DNAAF3: variants seen among roughly 807,000 people sequenced by gnomAD.
DNAAF3 encodes dynein axonemal assembly factor 3.
A neutral mutation model predicts 50.9 loss-of-function variants in DNAAF3; 40 were observed. The ratio of observed to expected loss-of-function variants is 0.79; its 90% CI spans 0.61 to 1.02. DNAAF3 has a LOEUF of 1.02. Among genes scored for constraint, DNAAF3 ranks in the 50% least tolerant of loss-of-function variants. The pLI is 0.00. For synonymous variants in DNAAF3, 327 were observed against 322.8 expected, an observed-to-expected ratio of 1.01 and a Z score of -0.14; for missense variants, 763 against 744.7, an observed-to-expected ratio of 1.02 and a Z score of -0.29.
rs1448814586 is a variant in DNAAF3 at position 55,160,811 on chromosome 19, C to T, written c.913-36G>A. 2 of 1,594,544 alleles carry T rather than the reference C, an allele frequency of 1.3e-6. No individual in the cohort carries two copies. The highest frequency in any genetic ancestry group is 1.1e-5 in the South Asian group (1 of 90,692). ...AAGGGGCGTGGCCAGACGTCGGGGC[C>T]AGGATGGCGGGGCGGGGCTTAGAAC... On this transcript the variant is annotated intron_variant, in intron 8 of 11. Coordinates refer to ENST00000524407, the MANE Select transcript of DNAAF3 (RefSeq NM_001256715.2). The surrounding 1 kb of genome is among the most constrained non-coding windows in gnomAD (Gnocchi z 4.7).
rs1253844090 is a variant in DNAAF3, at chr19:55,160,998, G to A, written c.912+67C>T. The stretch of plus-strand genomic sequence containing the variant: ...GCTGGGGGCGGGGCCTGCTGTGGGG[G>A]CGGGGCCTTGCGCACCCACCGACCC... On this transcript the variant is annotated intron_variant, in intron 8 of 11. Transcript: ENST00000524407. The surrounding 1 kb of genome is among the most constrained non-coding windows in gnomAD (Gnocchi z 4.7). 6.7e-7 allele frequency: 1 copy of A among 1,484,740 alleles called. No individual in the cohort carries two copies. The highest frequency in any genetic ancestry group is 1.4e-5 in the African/African-American group (1 of 71,150). The allele number at this position is 1,484,740 out of a possible 1,614,324, so 92.0% of individuals were successfully genotyped here.
rs780436178 is a variant in DNAAF3 at position 55,160,741 on chromosome 19, T to C, written c.947A>G (p.Glu316Gly). ...CCAGGCGGCCACGTCGCGGAGCAGC[T>C]CCGTCACGTTGTGTTGAGTGATCTC... ...AGEITQHNVTELLRDVAAWGR... is the reference protein window; with the variant it reads ...AGEITQHNVTGLLRDVAAWGR... Residue 316 changes from glutamate (E) to glycine (G), a missense_variant, in exon 9 of 12, where the codon GAG becomes GGG. Physicochemically the swap from Glu to Gly is moderately conservative, Grantham distance 98. Transcript: ENST00000524407. This position sits in a 1 kb window ranked among gnomAD's most constrained non-coding sequence, Gnocchi z 4.7. 6 of 1,612,428 alleles carry C rather than the reference T, an allele frequency of 3.7e-6. No homozygotes were observed. Among genetic ancestry groups the C allele is most frequent in the East Asian group, 2.2e-5 (1 of 44,836 alleles).
rs1363249954 is a variant in DNAAF3, at chr19:55,161,295, A to G, written c.787T>C (p.Tyr263His). 6.2e-7 allele frequency: 1 copy of G among 1,609,856 alleles called. No individual in the cohort carries two copies. Among genetic ancestry groups the G allele is most frequent in the East Asian group, 2.2e-5 (1 of 44,778 alleles). ...CAGGACAGGCAGTGGACACGCACGT[A>G]GCTCAGGAGGCGACCGGACGCCAGG... Reference protein sequence around the residue: ...RTLASGRLLSYRGERVAARGY... With the variant: ...RTLASGRLLSHRGERVAARGY... Residue 263 changes from tyrosine to histidine, a missense_variant and splice_region_variant, in exon 7 of 12, where the codon TAC becomes CAC. Coordinates refer to ENST00000524407, the MANE Select transcript of DNAAF3 (RefSeq NM_001256715.2). This position sits in a 1 kb window ranked among gnomAD's most constrained non-coding sequence, Gnocchi z 6.4.
intron 5 of DNAAF3, 111 bp downstream of exon 5, chr19:55,162,022 G>A: frequency 1.5e-6 from 2 of 1,343,064 alleles, no homozygotes. Flanking sequence ...GGGGAACTGG[G>A]ATTCGAACCC....
Position 55,161,757 on chromosome 19 carries a change from C to G in DNAAF3, c.549G>C (p.Ala183=), listed in dbSNP as rs1251471939. Residue 183 remains alanine (A), a synonymous_variant, in exon 6 of 12, where the codon GCG becomes GCC. Coordinates refer to ENST00000524407, the MANE Select transcript of DNAAF3 (RefSeq NM_001256715.2). The surrounding 1 kb of genome is among the most constrained non-coding windows in gnomAD (Gnocchi z 6.4). ...AGTCCCAGAGGCGGCTCATGGGGAA[C>G]GCCTGGGGCCCTTTCTCGCCGCCAG... The part of the protein sequence containing the change: ...FWAGGEKGPQ[A]FPMSRLWDSR... 6.6e-7 allele frequency: 1 copy of G among 1,521,422 alleles called. No individual in the cohort carries two copies. 94.2% of individuals were successfully genotyped at this position (1,521,422 alleles called of 1,614,324 possible).
chr19:55,165,728 C>T, intron 3 of DNAAF3, 130 bp downstream of exon 3: 1 of 1,480,220 alleles, frequency 6.8e-7, no homozygotes, highest in Non-Finnish European at 9.1e-7. Flanking sequence ...TCGGTTCGCT[C>T]CCAGCTTCTG....
chr19:55,162,709 G>A, intron 4 of DNAAF3: 2 of 976,448 alleles, frequency 2.0e-6, no homozygotes, highest in Non-Finnish European at 2.4e-6. Context: ...AATACAAATT[G>A]TAAAATATGG....
intron 3 of DNAAF3, 26 bp from the exon 4 acceptor site, chr19:55,165,489 A>T (rs1205511280): frequency 6.2e-7 from 1 of 1,611,646 alleles, no homozygotes; most frequent in Non-Finnish European, 8.5e-7. Context: ...GGGCAGAATA[A>T]TTCTGAGACC....
chr19:55,164,247 A>T lies in DNAAF3; in HGVS notation c.322+1123T>A, dbSNP rs992670364. On this transcript the variant is annotated intron_variant, in intron 4 of 11. Transcript: ENST00000524407. ...TGTAAACCTAGCACTTTGGCAGGCC[A>T]AGGCGGGCGGATCACCTGAGGTCAG... is the stretch of plus-strand genomic sequence containing the variant. Among the ~76,000 whole-genome samples the T allele has an allele frequency of 4.6e-5, 7 of 152,116 alleles. No individual in the cohort carries two copies. In the East Asian group the frequency reaches 1.4e-3, roughly 29 times the overall value.
chr19:55,159,326 G>A lies in DNAAF3; in HGVS notation c.1362C>T (p.Phe454=), dbSNP rs777366628. Residue 454 remains phenylalanine, a synonymous_variant, in exon 12 of 12, where the codon TTC becomes TTT. Transcript: ENST00000524407. The stretch of plus-strand genomic sequence containing the variant: ...CCAGAGCTGATTCCTGGGACTTGCA[G>A]AAACGTGCGAAGGTCTCTGAAGGCC... ...GARPSETFAR[F]CKSQESALGN... 6.2e-7 allele frequency: 1 copy of A among 1,614,164 alleles called. No individual in the cohort carries two copies. The highest frequency in any genetic ancestry group is 1.1e-5 in the South Asian group (1 of 91,088).
rs1252905009 is a variant in DNAAF3 at position 55,160,666 on chromosome 19, TC to T, written c.1021del (p.Glu341ArgfsTer67). 6.2e-7 allele frequency: 1 copy of T among 1,613,886 alleles called. No homozygotes were observed. On this transcript the variant is annotated frameshift_variant, in exon 9 of 12. Coordinates refer to ENST00000524407, the MANE Select transcript of DNAAF3 (RefSeq NM_001256715.2). LOFTEE classifies it high-confidence loss of function. This position sits in a 1 kb window ranked among gnomAD's most constrained non-coding sequence, Gnocchi z 4.7. ...TGGAGTCCCTGGCTCCGGGCTTCCC[TC>T]CGCGTGCTGCTGCTCCTCCAGGTCC... ...GGDLEEQQHA[E>X]GSPEPGTPAA...
At chr19:55,159,668 T>C in intron 10 of DNAAF3, 61 bp from the exon 11 acceptor site, 1 of 1,607,092 alleles carries the variant, frequency 6.2e-7, no homozygotes, top group Non-Finnish European at 8.5e-7. Context: ...AGGATGGGGC[T>C]CTGGGATCCC....
In DNAAF3 at chr19:55,166,598, A is replaced by G; in HGVS notation, c.-80T>C. 1 of 1,614,110 alleles carries G rather than the reference A, an allele frequency of 6.2e-7. No individual in the cohort carries two copies. Among genetic ancestry groups the G allele is most frequent in the Non-Finnish European group, 8.5e-7 (1 of 1,179,994 alleles). On this transcript the variant is annotated 5_prime_UTR_variant, in exon 1 of 12. Coordinates refer to ENST00000524407, the MANE Select transcript of DNAAF3 (RefSeq NM_001256715.2). The surrounding 1 kb of genome is among the most constrained non-coding windows in gnomAD (Gnocchi z 4.0). Reference sequence around the variant, plus strand: ...CACTGTGGACCCGCGGCACTCCACAACCGCTGCCCAGAGTCCCCGCCCTTT... The same window carrying G: ...CACTGTGGACCCGCGGCACTCCACAGCCGCTGCCCAGAGTCCCCGCCCTTT...
intron 10 of DNAAF3, 139 bp from the exon 11 acceptor site, chr19:55,159,746 C>T: frequency 7.0e-7 from 1 of 1,429,100 alleles, no homozygotes. Flanking sequence ...AGCAGGAGGT[C>T]TGGACTCCTG....
intron 4 of DNAAF3, chr19:55,162,774 T>C (rs1275101121): frequency 3.4e-5 from 26 of 766,046 alleles, no homozygotes; most frequent in Middle Eastern, 6.6e-4. Context: ...TGATTTGCGG[T>C]GTATGGGACC....
chr19:55,159,954 G>A lies in DNAAF3; in HGVS notation c.1108C>T (p.Leu370Phe), dbSNP rs78107552. Residue 370 changes from leucine to phenylalanine, a missense_variant, in exon 10 of 12, where the codon CTC becomes TTC. Leu to Phe is a conservative substitution (Grantham distance 22). Coordinates refer to ENST00000524407, the MANE Select transcript of DNAAF3 (RefSeq NM_001256715.2). Reference sequence around the variant, plus strand: ...CCGTTGTAGCAGCTCTTGTGGTGGAGAGTCTGAGCAGAATTGAGCGGCAGG... The same window carrying A: ...CCGTTGTAGCAGCTCTTGTGGTGGAAAGTCTGAGCAGAATTGAGCGGCAGG... ...HFLPLNSAQTLHHKSCYNGRF... is the reference protein window; with the variant it reads ...HFLPLNSAQTFHHKSCYNGRF... The A allele has an allele frequency of 1.9e-6, 3 of 1,613,662 alleles. No homozygotes were observed. In the East Asian group the frequency reaches 6.7e-5, roughly 36 times the overall value.
chr19:55,161,378 T>C lies in DNAAF3; in HGVS notation c.704A>G (p.Asp235Gly), dbSNP rs1025793670. Residue 235 changes from aspartate to glycine, a missense_variant, in exon 7 of 12, where the codon GAC (aspartate) becomes GGC (glycine). By Grantham distance (94) the Asp-to-Gly change is moderately conservative. Transcript: ENST00000524407. The surrounding 1 kb of genome is among the most constrained non-coding windows in gnomAD (Gnocchi z 6.4). The part of the protein sequence containing the change: ...IHPQEFRRWR[D>G]TGVAFELRDS... ...CCTGAGTTCAAAGGCGACGCCTGTG[T>C]CCCGCCAGCGTCGGAACTCCTGGGG... 1.4e-6 allele frequency: 2 copies of C among 1,446,494 alleles called. No homozygotes were observed. The allele number at this position is 1,446,494 out of a possible 1,614,324, so 89.6% of individuals were successfully genotyped here.
Position 55,161,087 on chromosome 19 carries a change from G to C in DNAAF3, c.890C>G (p.Thr297Arg), listed in dbSNP as rs549181425. 7 of 1,542,270 alleles carry C rather than the reference G, an allele frequency of 4.5e-6. No homozygotes were observed. The African/African-American group carries it at 8.2e-5, about 18-fold the overall frequency. Residue 297 changes from threonine to arginine, a missense_variant, in exon 8 of 12, where the codon ACG (threonine) becomes AGG (arginine). By Grantham distance (71) the Thr-to-Arg change is moderately conservative. Transcript: ENST00000524407. This position sits in a 1 kb window ranked among gnomAD's most constrained non-coding sequence, Gnocchi z 6.4. ...CACCTTGACTGGCTGGCCGTTGCTC[G>C]TCCGCAGGAGGCTCTCGTCGTCCGC... The part of the protein sequence containing the change: ...IEADDESLLR[T>R]SNGQPVKTAG...
chr19:55,158,952 G>A lies in DNAAF3; in HGVS notation c.*110C>T. ...GGGGTGGCGGGTACTGAGTGGGAAT[G>A]ATTAGAATAAAATTGAGGACTCTAG... On this transcript the variant is annotated 3_prime_UTR_variant, in exon 12 of 12. Transcript: ENST00000524407. 1 of 1,295,206 alleles carries A rather than the reference G, an allele frequency of 7.7e-7. No homozygotes were observed. 80.2% of individuals were successfully genotyped at this position (1,295,206 alleles called of 1,614,324 possible). A position where few individuals can be genotyped will look rare whatever the true frequency, so the allele number is the denominator to read the frequency against.
Sources: gnomAD v4.1 joint callset for allele counts (sites outside exome capture counted in the v4.1 genomes callset) on GRCh38, gnomAD v4.1.1 for gene constraint, Gnocchi (gnomAD v3.1) non-coding constraint, MANE v1.5 for transcripts, NCBI Gene and HGNC (gene_info 2026-07-23, HGNC 2026-07-21) for gene names.